The following SGK1 variants were observed in gnomAD, a reference collection of about 807,000 sequenced individuals.
SGK1 encodes the protein serum/glucocorticoid regulated kinase 1.
SGK1 carries 26 observed loss-of-function variants against 64.2 expected under a neutral mutation model. The observed-to-expected ratio is 0.40, with a 90% CI of 0.30 to 0.56. The LOEUF (loss-of-function observed/expected upper bound fraction) is 0.56, where lower values mean the gene tolerates loss of function less well. SGK1 is among the 20% of genes least tolerant of loss of function. SGK1 has a pLI of 0.38. For missense variants in SGK1, 519 were observed against 645.6 expected (o/e 0.80, Z 2.12); for synonymous variants, 265 against 239.7 (o/e 1.11, Z -0.98).
At chr6:134,278,277 C>T (rs367640073) in intron 1 of SGK1, among the ~76,000 whole-genome samples, 6 of 152,136 alleles carry the variant, frequency 3.9e-5, no homozygotes, top group Non-Finnish European at 7.3e-5. Context: ...AATAAACAAA[C>T]GCAAAAAATC....
At chr6:134,244,514 T>C (rs573882208) in intron 2 of SGK1, among the ~76,000 whole-genome samples, 1 of 152,248 alleles carries the variant, frequency 6.6e-6, no homozygotes, top group East Asian at 1.9e-4. Flanking sequence ...CTGGGCTGGA[T>C]AGCACCGTCC....
intron 1 of SGK1, among the ~76,000 whole-genome samples, chr6:134,273,819 A>T (rs1036513965): frequency 1.3e-5 from 2 of 151,632 alleles, no homozygotes; most frequent in Non-Finnish European, 2.9e-5. Flanking sequence ...ATTTATTTTT[A>T]TTTATTTATT....
intron 3 of SGK1, among the ~76,000 whole-genome samples, chr6:134,192,046 G>T (rs954786354): frequency 2.0e-5 from 3 of 151,658 alleles, no homozygotes; most frequent in African/African-American, 2.4e-5. Context: ...GGCCAGAATG[G>T]TCTCAATCTC....
intron 2 of SGK1, among the ~76,000 whole-genome samples, chr6:134,223,828 A>G (rs1239295249): frequency 6.6e-6 from 1 of 152,238 alleles, no homozygotes; most frequent in East Asian, 1.9e-4. Flanking sequence ...ATCTCCATTA[A>G]CACATTTGCT....
At position 134,297,785 on chromosome 6, in the gene SGK1, G is replaced by C. The variant is rs1478256938; in HGVS notation, c.69+19607C>G. On this transcript the variant is annotated intron_variant, in intron 1 of 13. Transcript: ENST00000367858. Reference sequence around the variant, plus strand: ...CAAAGTGCTGGGATTACAGGCGTGAGCCACTGCGCCCGGCCTAGATCTCAG... The same window carrying C: ...CAAAGTGCTGGGATTACAGGCGTGACCCACTGCGCCCGGCCTAGATCTCAG... 5.3e-6 allele frequency: 3 copies of C among 562,842 alleles called. No homozygotes were observed. The African/African-American group carries it at 5.6e-5, about 11-fold the overall frequency. 34.9% of individuals were successfully genotyped at this position (562,842 alleles called of 1,614,324 possible). A position where few individuals can be genotyped will look rare whatever the true frequency, so the allele number is the denominator to read the frequency against.
chr6:134,301,438 C>T (rs1777451285), intron 1 of SGK1, among the ~76,000 whole-genome samples: 1 of 152,122 alleles, frequency 6.6e-6, no homozygotes, highest in Non-Finnish European at 1.5e-5. Context: ...GGAGGAGAGG[C>T]TGGAGTGCTG....
chr6:134,189,684 C>T (rs1215838535), intron 3 of SGK1, among the ~76,000 whole-genome samples: 1 of 152,172 alleles, frequency 6.6e-6, no homozygotes, highest in African/African-American at 2.4e-5. Flanking sequence ...CACAATAGAC[C>T]TAGTTAAAGT....
At chr6:134,172,359 C>A in intron 9 of SGK1, 43 bp from the exon 10 acceptor site, 1 of 1,575,934 alleles carries the variant, frequency 6.3e-7, no homozygotes, top group South Asian at 1.1e-5. Context: ...AAGTTAATTT[C>A]ACTTCATAAG....
intron 1 of SGK1, among the ~76,000 whole-genome samples, chr6:134,291,748 A>C (rs9376027): frequency 0.11 from 16,811 of 152,206 alleles, 1,484 homozygotes; most frequent in East Asian, 0.49. Flanking sequence ...AATTGCAATA[A>C]AGCCAACTGA....
chr6:134,262,213 T>G lies in SGK1; in HGVS notation c.70-65A>C, dbSNP rs547447769. The stretch of plus-strand genomic sequence containing the variant: ...ACTCCCTTTGATGTTTATTGGGGAT[T>G]TGGTGGGAAATCTGGTGGGATGGGA... On this transcript the variant is annotated intron_variant, in intron 1 of 13. Transcript: ENST00000367858. The G allele has an allele frequency of 1.1e-4, 133 of 1,240,082 alleles. No homozygotes were observed. In the African/African-American group the frequency reaches 1.8e-3, roughly 17 times the overall value. The allele number at this position is 1,240,082 out of a possible 1,614,324, so 76.8% of individuals were successfully genotyped here. A position where few individuals can be genotyped will look rare whatever the true frequency, so the allele number is the denominator to read the frequency against.
At chr6:134,241,900 A>G (rs13193056) in intron 2 of SGK1, among the ~76,000 whole-genome samples, 74,680 of 151,584 alleles carry the variant, frequency 0.49, 22,331 homozygotes, top group South Asian at 0.78. Context: ...GATTACAGGC[A>G]TGAGCCACCG....
intron 1 of SGK1, chr6:134,298,113 C>T (rs1777390827): frequency 7.3e-7 from 1 of 1,361,306 alleles, no homozygotes; most frequent in Admixed American, 1.7e-5. Flanking sequence ...TTCATGTAAG[C>T]TTCATCCACA....
intron 1 of SGK1, among the ~76,000 whole-genome samples, chr6:134,275,970 A>T (rs1777011612): frequency 6.6e-6 from 1 of 152,166 alleles, no homozygotes; most frequent in South Asian, 2.1e-4. Flanking sequence ...TATTTCCCTT[A>T]TTAGAATGTG....
intron 3 of SGK1, among the ~76,000 whole-genome samples, chr6:134,185,723 C>A (rs1243638317): frequency 6.6e-6 from 1 of 151,830 alleles, no homozygotes; most frequent in Non-Finnish European, 1.5e-5. Context: ...CTGAGAAATC[C>A]CATGGCAGGC....
intron 2 of SGK1, chr6:134,249,344 C>T (rs1763523): frequency 0.38 from 57,055 of 152,046 alleles, 12,687 homozygotes; most frequent in South Asian, 0.52. Flanking sequence ...GAATTCTGTT[C>T]CCCAGTTGAG....
chr6:134,299,942 A>G (rs1159432196), intron 1 of SGK1, among the ~76,000 whole-genome samples: 1 of 152,154 alleles, frequency 6.6e-6, no homozygotes, highest in African/African-American at 2.4e-5. Context: ...ATTCAAAAAA[A>G]GAAAGTAAGT....
intron 3 of SGK1, among the ~76,000 whole-genome samples, chr6:134,186,539 G>C (rs960543129): frequency 2.6e-5 from 4 of 152,148 alleles, no homozygotes; most frequent in African/African-American, 9.7e-5. Context: ...TGCAGTGCTT[G>C]GTTCTGTAAC....
In SGK1 at chr6:134,171,366, G is replaced by GTA. The variant is rs1421352080; in HGVS notation, c.1168-189_1168-188insTA. 235 of 639,210 alleles carry GTA rather than the reference G, an allele frequency of 3.7e-4. 3 individuals are homozygous for GTA. The South Asian group carries it at 4.3e-3, about 12-fold the overall frequency. The allele number at this position is 639,210 out of a possible 1,614,324, so 39.6% of individuals were successfully genotyped here. On this transcript the variant is annotated intron_variant, in intron 11 of 13. Coordinates refer to ENST00000367858, the MANE Select transcript of SGK1 (RefSeq NM_001143676.3). ...GCAACCCGTGTGTGTGTTTGTGTGTGTGTGTGTGGAGGGTGAGGGGGTAGA... is the reference window on the plus strand; with the variant it reads ...GCAACCCGTGTGTGTGTTTGTGTGTGTATGTGTGTGGAGGGTGAGGGGGTAGA...
At chr6:134,206,976 A>G (rs541790843) in intron 3 of SGK1, among the ~76,000 whole-genome samples, 29 of 152,160 alleles carry the variant, frequency 1.9e-4, no homozygotes, top group African/African-American at 6.7e-4. Context: ...CTGTAATCCC[A>G]GCACTTTGGG....
Sources: gnomAD v4.1 joint callset for allele counts (sites outside exome capture counted in the v4.1 genomes callset) on GRCh38, gnomAD v4.1.1 for gene constraint, MANE v1.5 for transcripts, NCBI Gene and HGNC (gene_info 2026-07-23, HGNC 2026-07-21) for gene names.